DCC: variants seen among roughly 807,000 people sequenced by gnomAD.
The protein encoded by DCC is DCC netrin 1 receptor.
Under a neutral mutation model 172.5 loss-of-function variants are expected in DCC, and 58 were observed. That is an observed-to-expected ratio of 0.34 (90% CI 0.27 to 0.42). The LOEUF (loss-of-function observed/expected upper bound fraction) is 0.42. Among genes scored for constraint, DCC ranks in the 10% least tolerant of loss-of-function variants. The probability of loss-of-function intolerance (pLI) is 1.00; values close to 1 mark genes in which losing one functional copy is unlikely to be tolerated. For missense variants in DCC, 1,740 were observed against 1,791.0 expected (o/e 0.97, Z 0.51); for synonymous variants, 709 against 644.5 (o/e 1.10, Z -1.52).
rs5824990 is a variant in DCC, at chr18:53,148,865, C to CTTTTTTT, written c.1262-8480_1262-8474dup. Among the ~76,000 whole-genome samples, 710 of 109,708 alleles carry CTTTTTTT rather than the reference C, an allele frequency of 6.5e-3. 35 individuals are homozygous for CTTTTTTT. Among genetic ancestry groups the CTTTTTTT allele is most frequent in the Admixed American group, 0.017 (178 of 10,386 alleles). The allele number at this position is 109,708 out of a possible 152,430, so 72.0% of individuals were successfully genotyped here. A position where few individuals can be genotyped will look rare whatever the true frequency, so the allele number is the denominator to read the frequency against. On this transcript the variant is annotated intron_variant, in intron 7 of 28. Coordinates refer to ENST00000442544, the MANE Select transcript of DCC (RefSeq NM_005215.4). ...AAACTAGCTCAGAACTTCCCAATGC[C>CTTTTTTT]TTTTTTTTTTTTTTTTTGGACAAAG... is the stretch of plus-strand genomic sequence containing the variant.
At position 53,410,563 on chromosome 18, in the gene DCC, C is replaced by G. The variant is rs746093132; in HGVS notation, c.3047C>G (p.Thr1016Ser). ...CAAATCATGGATCTCAACCTTGATA[C>G]TATGTATTACTTTCGAATTCAAGCA... is the stretch of plus-strand genomic sequence containing the variant. ...THQIMDLNLD[T>S]MYYFRIQARN... Residue 1016 changes from threonine to serine, a missense_variant, in exon 20 of 29, where the codon ACT becomes AGT. Around this residue, in one of 2 missense-constraint regions of DCC, gnomAD observed 1,732 missense variants for 1,767.4 expected, o/e 0.98. Coordinates refer to ENST00000442544, the MANE Select transcript of DCC (RefSeq NM_005215.4). 1.2e-6 allele frequency: 2 copies of G among 1,607,164 alleles called. No homozygotes were observed. The highest frequency in any genetic ancestry group is 8.5e-7 in the Non-Finnish European group (1 of 1,173,632).
chr18:53,086,817 G>C (rs1388664508), intron 7 of DCC, among the ~76,000 whole-genome samples: 1 of 122,370 alleles, frequency 8.2e-6, no homozygotes, highest in Admixed American at 1.1e-4. Flanking sequence ...TGTTCTTATT[G>C]TTCAGTTCCC....
At chr18:53,120,158 T>C (rs1416277766) in intron 7 of DCC, among the ~76,000 whole-genome samples, 1 of 151,836 alleles carries the variant, frequency 6.6e-6, no homozygotes, top group East Asian at 1.9e-4. Flanking sequence ...AATTTTTATA[T>C]GAGGTGTTTA....
At chr18:52,585,155 T>C (rs752925740) in intron 1 of DCC, among the ~76,000 whole-genome samples, 73 of 152,194 alleles carry the variant, frequency 4.8e-4, no homozygotes, top group Non-Finnish European at 9.4e-4. Flanking sequence ...GTGCCTCAAC[T>C]ATGGGCTTCC....
chr18:52,424,696 A>T (rs757851338), intron 1 of DCC, among the ~76,000 whole-genome samples: 5 of 152,060 alleles, frequency 3.3e-5, no homozygotes, highest in Non-Finnish European at 7.4e-5. Flanking sequence ...AAATTGTGCA[A>T]AGCCCTTATT....
rs963566338 is a variant in DCC, at chr18:52,759,687, T to TA, written c.412+7319dup. Among the ~76,000 whole-genome samples, 76 of 152,114 alleles carry TA rather than the reference T, an allele frequency of 5.0e-4. 2 individuals carry two copies. Among genetic ancestry groups the TA allele is most frequent in the Non-Finnish European group, 8.8e-5 (6 of 68,000 alleles). ...TTAAGTTTCTTGAAAAACGTCAAGATAAAAAAGATTCAAATCATAGTAATG... is the reference window on the plus strand; with the variant it reads ...TTAAGTTTCTTGAAAAACGTCAAGATAAAAAAAGATTCAAATCATAGTAATG... On this transcript the variant is annotated intron_variant, in intron 2 of 28. Transcript: ENST00000442544.
intron 5 of DCC, among the ~76,000 whole-genome samples, chr18:52,966,677 C>T (rs1048638917): frequency 3.3e-5 from 5 of 152,108 alleles, no homozygotes; most frequent in Non-Finnish European, 5.9e-5. Context: ...CTATGTTAGG[C>T]GACAGCTCTT....
chr18:52,856,244 G>C (rs1292608035), intron 2 of DCC, among the ~76,000 whole-genome samples: 1 of 152,108 alleles, frequency 6.6e-6, no homozygotes, highest in Non-Finnish European at 1.5e-5. Context: ...TGTGAATATA[G>C]ATAGATAATT....
chr18:52,741,671 C>A (rs949484246), intron 1 of DCC, among the ~76,000 whole-genome samples: 2 of 152,104 alleles, frequency 1.3e-5, no homozygotes, highest in East Asian at 1.9e-4. Flanking sequence ...AAGCAAAATT[C>A]TTTCACTTGC....
chr18:52,467,732 T>A (rs1988828163), intron 1 of DCC, among the ~76,000 whole-genome samples: 2 of 152,206 alleles, frequency 1.3e-5, no homozygotes, highest in African/African-American at 4.8e-5. Flanking sequence ...TTTTTAATAA[T>A]CTTCATTCTA....
intron 1 of DCC, among the ~76,000 whole-genome samples, chr18:52,682,183 C>G (rs982251393): frequency 6.6e-6 from 1 of 151,990 alleles, no homozygotes; most frequent in African/African-American, 2.4e-5. Flanking sequence ...AAATATGAAC[C>G]GGTCAATGTA....
intron 7 of DCC, among the ~76,000 whole-genome samples, chr18:53,145,834 T>C (rs1216625338): frequency 6.6e-6 from 1 of 152,204 alleles, no homozygotes; most frequent in East Asian, 1.9e-4. Context: ...CATAGCTTGA[T>C]AGAGCCTTAG....
Position 53,529,038 on chromosome 18 carries a change from T to TCTCACA in DCC, c.4255-1525_4255-1524insTCACAC, listed in dbSNP as rs1203799842. ...CTCTCTCTCTCTCTCTCTCTCTCTC[T>TCTCACA]CACACACACACACACACACACACAC... is the stretch of plus-strand genomic sequence containing the variant. On this transcript the variant is annotated intron_variant, in intron 28 of 28. Transcript: ENST00000442544. Among the ~76,000 whole-genome samples the TCTCACA allele has an allele frequency of 4.4e-3, 284 of 65,230 alleles. 2 individuals carry two copies. The highest frequency in any genetic ancestry group is 0.029 in the Middle Eastern group (3 of 104). The allele number at this position is 65,230 out of a possible 152,430, so 42.8% of individuals were successfully genotyped here. A position where few individuals can be genotyped will look rare whatever the true frequency, so the allele number is the denominator to read the frequency against.
chr18:53,240,284 C>A (rs943913786), intron 12 of DCC, among the ~76,000 whole-genome samples: 11 of 152,156 alleles, frequency 7.2e-5, no homozygotes, highest in African/African-American at 2.6e-4. Flanking sequence ...CAGTCAATAG[C>A]AAGCTTCCAT....
At chr18:52,362,166 G>A (rs954010581) in intron 1 of DCC, among the ~76,000 whole-genome samples, 4 of 152,238 alleles carry the variant, frequency 2.6e-5, no homozygotes, top group African/African-American at 4.8e-5. Context: ...CAGTCCCTGA[G>A]CTCTTTTCTT....
intron 1 of DCC, among the ~76,000 whole-genome samples, chr18:52,718,889 T>A (rs2036430764): frequency 1.3e-5 from 2 of 152,218 alleles, no homozygotes; most frequent in South Asian, 4.1e-4. Context: ...ATTGGTCTTT[T>A]AAGGCATTTC....
chr18:52,704,662 C>A (rs2036176923), intron 1 of DCC, among the ~76,000 whole-genome samples: 1 of 152,170 alleles, frequency 6.6e-6, no homozygotes, highest in African/African-American at 2.4e-5. Flanking sequence ...CAGCTATCAG[C>A]CATCAAGTCA....
chr18:52,810,618 C>T (rs1209888886), intron 2 of DCC, among the ~76,000 whole-genome samples: 3 of 152,044 alleles, frequency 2.0e-5, no homozygotes, highest in Non-Finnish European at 2.9e-5. Flanking sequence ...TTTATGGACT[C>T]AATGGGGAGT....
At chr18:53,494,331 C>CTGTT (rs1464087816) in intron 26 of DCC, among the ~76,000 whole-genome samples, 1 of 152,040 alleles carries the variant, frequency 6.6e-6, no homozygotes, top group African/African-American at 2.4e-5. Context: ...GTGTGGGTGT[C>CTGTT]TGTTTGGTCC....
Sources: allele counts gnomAD v4.1 joint callset (sites outside exome capture counted in the v4.1 genomes callset), GRCh38; gene constraint gnomAD v4.1.1; regional missense constraint gnomAD v4.1.1; transcripts MANE v1.5; gene names NCBI Gene and HGNC (gene_info 2026-07-23, HGNC 2026-07-21).